The following LSAMP variants were observed in gnomAD, a reference collection of about 807,000 sequenced individuals.
LSAMP encodes limbic system-associated membrane protein.
In LSAMP, 7 loss-of-function variants were observed where a neutral mutation model predicts 38.6. That is an observed-to-expected ratio of 0.18 (90% CI 0.10 to 0.34). The LOEUF (loss-of-function observed/expected upper bound fraction) is 0.34. Among genes scored for constraint, LSAMP ranks in the 10% least tolerant of loss-of-function variants. The pLI is 1.00. For missense variants in LSAMP, 313 were observed against 420.0 expected, an observed-to-expected ratio of 0.75 and a Z score of 2.23; for synonymous variants, 154 against 166.8, an observed-to-expected ratio of 0.92 and a Z score of 0.59.
At chr3:116,308,895 G>A (rs1490126339) in intron 1 of LSAMP, among the ~76,000 whole-genome samples, 1 of 152,008 alleles carries the variant, frequency 6.6e-6, no homozygotes, top group Non-Finnish European at 1.5e-5. Flanking sequence ...TCTTTTGCTG[G>A]TAAAGCTTTG....
rs964797112 is a variant in LSAMP at position 116,324,102 on chromosome 3, G to T, written c.155+120775C>A. The stretch of plus-strand genomic sequence containing the variant: ...ACATTTGGGTAAGTGCTTTGGTATT[G>T]TTTATTTGACTAATTTTTGTGTATG... On this transcript the variant is annotated intron_variant, in intron 1 of 6. Coordinates refer to ENST00000490035, the MANE Select transcript of LSAMP (RefSeq NM_002338.5). 4.6e-5 allele frequency among the ~76,000 whole-genome samples: 7 copies of T among 152,178 alleles called. No homozygotes were observed. In the South Asian group the frequency reaches 1.5e-3, roughly 32 times the overall value.
At chr3:116,404,894 G>A (rs1190613894) in intron 1 of LSAMP, among the ~76,000 whole-genome samples, 1 of 151,750 alleles carries the variant, frequency 6.6e-6, no homozygotes, top group Non-Finnish European at 1.5e-5. Flanking sequence ...TCCTCTAAAT[G>A]TCTCATTTTC....
chr3:116,271,042 G>T (rs1314985737), intron 1 of LSAMP, among the ~76,000 whole-genome samples: 1 of 152,020 alleles, frequency 6.6e-6, no homozygotes, highest in Non-Finnish European at 1.5e-5. Context: ...CTTTAAAAAG[G>T]TAGAAATATA....
chr3:116,180,454 T>G (rs1710459189), intron 1 of LSAMP, among the ~76,000 whole-genome samples: 2 of 151,932 alleles, frequency 1.3e-5, no homozygotes, highest in African/African-American at 2.4e-5. Flanking sequence ...CCTGTTACGG[T>G]GAGGAAAAGA....
At chr3:116,438,119 C>T (rs575122195) in intron 1 of LSAMP, among the ~76,000 whole-genome samples, 10 of 147,758 alleles carry the variant, frequency 6.8e-5, no homozygotes, top group South Asian at 4.3e-4. Context: ...TCAACTATAT[C>T]GTAAGATACT....
chr3:116,115,371 G>T (rs1274007253), intron 1 of LSAMP, among the ~76,000 whole-genome samples: 1 of 152,172 alleles, frequency 6.6e-6, no homozygotes, highest in Non-Finnish European at 1.5e-5. Flanking sequence ...GAAAAGAAAA[G>T]TGAGTCACCG....
chr3:116,378,848 T>C (rs2048522888), intron 1 of LSAMP, among the ~76,000 whole-genome samples: 1 of 152,086 alleles, frequency 6.6e-6, no homozygotes. Flanking sequence ...AAGATCAATT[T>C]CATTTTACAG....
chr3:116,282,209 A>G (rs2047135778), intron 1 of LSAMP, among the ~76,000 whole-genome samples: 3 of 152,180 alleles, frequency 2.0e-5, no homozygotes. Flanking sequence ...AATGCAGAGG[A>G]AAGGGGATAG....
intron 1 of LSAMP, among the ~76,000 whole-genome samples, chr3:116,373,167 C>A (rs1337492920): frequency 6.6e-6 from 1 of 151,438 alleles, no homozygotes; most frequent in African/African-American, 2.4e-5. Flanking sequence ...AGCAACCTAA[C>A]TGCCCAGTGA....
intron 2 of LSAMP, among the ~76,000 whole-genome samples, chr3:116,035,855 T>G (rs1313431323): frequency 2.0e-5 from 3 of 152,224 alleles, no homozygotes; most frequent in Admixed American, 1.3e-4. Flanking sequence ...TCTATGTTGC[T>G]TCTCGACATT....
At chr3:116,340,703 A>G (rs774146251) in intron 1 of LSAMP, among the ~76,000 whole-genome samples, 1 of 152,054 alleles carries the variant, frequency 6.6e-6, no homozygotes, top group Non-Finnish European at 1.5e-5. Flanking sequence ...ATCAGTATAG[A>G]TCTGTCACAC....
At chr3:115,810,660 T>C (rs1259060257) in intron 6 of LSAMP, among the ~76,000 whole-genome samples, 1 of 152,194 alleles carries the variant, frequency 6.6e-6, no homozygotes, top group African/African-American at 2.4e-5. Flanking sequence ...TTTTGCCGGG[T>C]AAGTCCTTAA....
At chr3:116,333,644 TTAAA>T (rs1257946531) in intron 1 of LSAMP, among the ~76,000 whole-genome samples, 1 of 150,822 alleles carries the variant, frequency 6.6e-6, no homozygotes, top group Non-Finnish European at 1.5e-5. Flanking sequence ...TTTGTGGAAA[TTAAA>T]TAACACACTC....
chr3:115,992,647 G>A (rs1009546800), intron 3 of LSAMP, among the ~76,000 whole-genome samples: 1 of 151,980 alleles, frequency 6.6e-6, no homozygotes, highest in South Asian at 2.1e-4. Context: ...CATTTATTTT[G>A]TGTATTGATG....
intron 1 of LSAMP, among the ~76,000 whole-genome samples, chr3:116,234,321 C>G (rs561326760): frequency 6.6e-6 from 1 of 152,202 alleles, no homozygotes; most frequent in African/African-American, 2.4e-5. Flanking sequence ...AAAGGGCGTT[C>G]ACGGGGAATA....
chr3:116,267,497 T>TGAC (rs2046907684), intron 1 of LSAMP, among the ~76,000 whole-genome samples: 1 of 151,614 alleles, frequency 6.6e-6, no homozygotes, highest in African/African-American at 2.4e-5. Flanking sequence ...ATCAATGAAC[T>TGAC]GACAGGAGGA....
At chr3:116,281,858 A>C (rs1039631160) in intron 1 of LSAMP, among the ~76,000 whole-genome samples, 5 of 152,196 alleles carry the variant, frequency 3.3e-5, no homozygotes, top group Admixed American at 2.6e-4. Context: ...AGTACTAACC[A>C]ACAAATGTTA....
intron 1 of LSAMP, among the ~76,000 whole-genome samples, chr3:116,301,779 TATAAAGATA>T (rs2047411928): frequency 6.6e-6 from 1 of 152,196 alleles, no homozygotes; most frequent in Admixed American, 6.5e-5. Context: ...GTTTAAAACT[TATAAAGATA>T]ATAGTTTTTT....
At chr3:116,249,488 C>T (rs778689593) in intron 1 of LSAMP, among the ~76,000 whole-genome samples, 5 of 151,866 alleles carry the variant, frequency 3.3e-5, no homozygotes, top group Admixed American at 6.6e-5. Flanking sequence ...TAACTTTGAG[C>T]GATTCTCCTG....
Sources: allele counts gnomAD v4.1 joint callset (sites outside exome capture counted in the v4.1 genomes callset), GRCh38; gene constraint gnomAD v4.1.1; transcripts MANE v1.5; gene names NCBI Gene and HGNC (gene_info 2026-07-23, HGNC 2026-07-21).